ANKDD1A: variants seen among roughly 807,000 people sequenced by gnomAD.
ANKDD1A encodes ankyrin repeat and death domain-containing protein 1A.
Under a neutral mutation model 63.5 loss-of-function variants are expected in ANKDD1A, and 59 were observed. The ratio of observed to expected loss-of-function variants is 0.93; its 90% confidence interval spans 0.75 to 1.15. ANKDD1A has a LOEUF of 1.15. Ranked by LOEUF, ANKDD1A falls within the 50% of genes most tolerant of loss-of-function variation. The pLI, the probability that ANKDD1A is intolerant of heterozygous loss-of-function variation, is 0.00. For synonymous variants in ANKDD1A, 266 were observed against 263.9 expected, an observed-to-expected ratio of 1.01 and a Z score of -0.08; for missense variants, 632 against 656.4, an observed-to-expected ratio of 0.96 and a Z score of 0.41.
chr15:64,952,884 TCC>T (rs1257655777), intron 14 of ANKDD1A, among the ~76,000 whole-genome samples: 1 of 118,272 alleles, frequency 8.5e-6, no homozygotes, highest in South Asian at 2.6e-4. Context: ...TTTCTTCTTC[TCC>T]TTCTTCCTTC....
At chr15:64,953,647 C>CCTTTTCT (rs2085353183) in intron 14 of ANKDD1A, among the ~76,000 whole-genome samples, 2 of 5,496 alleles carry the variant, frequency 3.6e-4, no homozygotes, top group African/African-American at 6.4e-4. Flanking sequence ...CTTCCTCTTC[C>CCTTTTCT]TTCTCCTTCT....
chr15:64,930,018 C>T (rs1391201960), intron 6 of ANKDD1A, among the ~76,000 whole-genome samples: 1 of 152,134 alleles, frequency 6.6e-6, no homozygotes, highest in Non-Finnish European at 1.5e-5. Context: ...ACTGCATGGT[C>T]TCCCTCATAA....
chr15:64,954,201 CTTATTCTTTTCTTCTTCTTCT>C, intron 14 of ANKDD1A, among the ~76,000 whole-genome samples: 1 of 6,806 alleles, frequency 1.5e-4, no homozygotes, highest in Non-Finnish European at 4.1e-4. Flanking sequence ...TTTCTTGTTC[CTTATTCTTTTCTTCTTCTTCT>C]TCTTCCTCTC....
Position 64,954,311 on chromosome 15 carries a change from CTTCCTTCTT to C in ANKDD1A, c.1484-2791_1484-2783del, listed in dbSNP as rs1280660928. Among the ~76,000 whole-genome samples, 20 of 29,338 alleles carry C rather than the reference CTTCCTTCTT, an allele frequency of 6.8e-4. 1 individual carries two copies. Among genetic ancestry groups the C allele is most frequent in the African/African-American group, 1.2e-3 (20 of 17,014 alleles). 19.2% of individuals were successfully genotyped at this position (29,338 alleles called of 152,430 possible). ...TTAGTTCTCCTTTTCTTCTCCTTCT[CTTCCTTCTT>C]AGTTCTTCCTTCTTCTTCCTCCTCT... On this transcript the variant is annotated intron_variant, in intron 14 of 14. Transcript: ENST00000319580.
intron 8 of ANKDD1A, among the ~76,000 whole-genome samples, chr15:64,933,142 C>T (rs1377488316): frequency 1.3e-5 from 2 of 152,046 alleles, no homozygotes; most frequent in Non-Finnish European, 1.5e-5. Context: ...GGTGCCAAGC[C>T]CACGGTGACT....
At chr15:64,937,404 C>T (rs920481702) in intron 9 of ANKDD1A, among the ~76,000 whole-genome samples, 13 of 152,160 alleles carry the variant, frequency 8.5e-5, no homozygotes, top group Admixed American at 8.5e-4. Flanking sequence ...TGTGGCCCAT[C>T]CATGCAATGG....
intron 6 of ANKDD1A, among the ~76,000 whole-genome samples, chr15:64,927,852 G>A (rs1340662396): frequency 6.6e-6 from 1 of 152,038 alleles, no homozygotes; most frequent in African/African-American, 2.4e-5. Context: ...TGATCCACCC[G>A]CCTCAGCCTC....
At chr15:64,924,536 G>C (rs2085031821) in intron 4 of ANKDD1A, among the ~76,000 whole-genome samples, 1 of 152,234 alleles carries the variant, frequency 6.6e-6, no homozygotes, top group East Asian at 1.9e-4. Context: ...AGATGCCACA[G>C]GCCCAGTCCT....
At chr15:64,941,317 A>G (rs973715499) in intron 9 of ANKDD1A, among the ~76,000 whole-genome samples, 1 of 152,092 alleles carries the variant, frequency 6.6e-6, no homozygotes, top group African/African-American at 2.4e-5. Context: ...GTGTTGCTAT[A>G]ACTGAATACC....
chr15:64,952,365 TTTC>T (rs779546783), intron 14 of ANKDD1A, among the ~76,000 whole-genome samples: 13 of 132,840 alleles, frequency 9.8e-5, no homozygotes, highest in African/African-American at 2.4e-4. Context: ...CTCCTTCTTC[TTTC>T]TTCTTCCTCT....
At chr15:64,913,410 A>ATGGTGG (rs753193318) in intron 1 of ANKDD1A, among the ~76,000 whole-genome samples, 5 of 152,032 alleles carry the variant, frequency 3.3e-5, no homozygotes, top group African/African-American at 1.2e-4. Context: ...AGTGATGATG[A>ATGGTGG]TGGTGGTGGT....
At chr15:64,954,657 T>C (rs935397292) in intron 14 of ANKDD1A, among the ~76,000 whole-genome samples, 1 of 136,492 alleles carries the variant, frequency 7.3e-6, no homozygotes, top group East Asian at 2.0e-4. Context: ...TTCTTCTCCT[T>C]CTTTCTTCTT....
intron 14 of ANKDD1A, chr15:64,951,454 TTTC>T (rs756811510): frequency 7.2e-4 from 30 of 41,542 alleles, no homozygotes; most frequent in South Asian, 4.7e-3. Flanking sequence ...TTCCCTTTCT[TTTC>T]TTTTCTCTTT....
chr15:64,945,035 A>G (rs190584096), intron 12 of ANKDD1A, among the ~76,000 whole-genome samples: 128 of 152,366 alleles, frequency 8.4e-4, no homozygotes, highest in Middle Eastern at 3.4e-3. Flanking sequence ...GAATGCATAC[A>G]GACATGTGAA....
chr15:64,954,485 T>TTCCTTCTCCTTC (rs2085387504), intron 14 of ANKDD1A, among the ~76,000 whole-genome samples: 1 of 141,728 alleles, frequency 7.1e-6, no homozygotes, highest in Non-Finnish European at 1.5e-5. Flanking sequence ...CTTTTTCTTC[T>TTCCTTCTCCTTC]TCCTTCTCCT....
chr15:64,953,968 T>C (rs1278440583), intron 14 of ANKDD1A, among the ~76,000 whole-genome samples: 1 of 21,456 alleles, frequency 4.7e-5, no homozygotes, highest in Non-Finnish European at 5.0e-4. Flanking sequence ...TCTTTTTTTC[T>C]TCTTTCTTCC....
exon 15 of ANKDD1A, chr15:64,958,689 A>ATATC (rs1246464694): frequency 1.3e-5 from 2 of 152,206 alleles, no homozygotes; most frequent in Non-Finnish European, 2.9e-5. Flanking sequence ...ATGTTGAAAT[A>ATATC]TATCTCTCAA....
chr15:64,914,609 G>T (rs1181270788), intron 1 of ANKDD1A, among the ~76,000 whole-genome samples: 1 of 152,194 alleles, frequency 6.6e-6, no homozygotes, highest in African/African-American at 2.4e-5. Flanking sequence ...GCAGAGTTTT[G>T]TGGGTTCCTC....
At chr15:64,944,369 G>A (rs1213672410) in intron 11 of ANKDD1A, among the ~76,000 whole-genome samples, 1 of 152,232 alleles carries the variant, frequency 6.6e-6, no homozygotes, top group Non-Finnish European at 1.5e-5. Context: ...CACAGGAGAT[G>A]TTGAAGAGTT....
Sources: allele counts gnomAD v4.1 joint callset (sites outside exome capture counted in the v4.1 genomes callset), GRCh38; gene constraint gnomAD v4.1.1; transcripts MANE v1.5; gene names NCBI Gene and HGNC (gene_info 2026-07-23, HGNC 2026-07-21).